Variants in PGCKA1 observed in about 807,000 individuals in gnomAD.
PGCKA1 encodes the protein PDCD10 and GCKIII kinases associated 1.
chr4:37,469,355 T>C, the PGCKA1 span, among the ~76,000 whole-genome samples: 9 of 152,248 alleles, frequency 5.9e-5, no homozygotes, highest in Admixed American at 5.9e-4. Context: ...TAAGCTTACA[T>C]TGTTCTTTTC....
At chr4:37,567,392 A>G in the PGCKA1 span, among the ~76,000 whole-genome samples, 4 of 152,248 alleles carry the variant, frequency 2.6e-5, no homozygotes, top group Non-Finnish European at 5.9e-5. Flanking sequence ...AGCAAGCGCT[A>G]TGCATACTTA....
the PGCKA1 span, among the ~76,000 whole-genome samples, chr4:37,576,554 A>G: frequency 2.0e-5 from 3 of 152,116 alleles, no homozygotes; most frequent in East Asian, 1.9e-4. Flanking sequence ...TTCCTTTCCA[A>G]TTTGCATGCC....
chr4:37,591,002 G>A, the PGCKA1 span: 1 of 1,601,228 alleles, frequency 6.2e-7, no homozygotes, highest in Non-Finnish European at 8.5e-7. Flanking sequence ...ACTGATTAGG[G>A]GAGGGGATTT....
the PGCKA1 span, among the ~76,000 whole-genome samples, chr4:37,568,696 C>T: frequency 6.6e-6 from 1 of 152,336 alleles, no homozygotes; most frequent in African/African-American, 2.4e-5. Flanking sequence ...CGTGGTGCCC[C>T]ACGTGCAGCA....
the PGCKA1 span, among the ~76,000 whole-genome samples, chr4:37,480,371 T>C: frequency 6.6e-6 from 1 of 152,188 alleles, no homozygotes; most frequent in Non-Finnish European, 1.5e-5. Context: ...CACGTGCCTG[T>C]GATCCCAGTT....
At chr4:37,475,137 A>G in the PGCKA1 span, among the ~76,000 whole-genome samples, 1 of 152,164 alleles carries the variant, frequency 6.6e-6, no homozygotes, top group African/African-American at 2.4e-5. Context: ...TGTTAGACCA[A>G]GAAGGATGCA....
At chr4:37,469,417 T>C in the PGCKA1 span, among the ~76,000 whole-genome samples, 1 of 152,112 alleles carries the variant, frequency 6.6e-6, no homozygotes, top group South Asian at 2.1e-4. Flanking sequence ...CAACTTCACA[T>C]AGAGACTGTG....
At chr4:37,523,621 C>T in the PGCKA1 span, among the ~76,000 whole-genome samples, 1 of 152,160 alleles carries the variant, frequency 6.6e-6, no homozygotes, top group African/African-American at 2.4e-5. Context: ...TATACGCTGT[C>T]TGTTTTTTCC....
chr4:37,475,417 G>A, the PGCKA1 span, among the ~76,000 whole-genome samples: 1 of 152,080 alleles, frequency 6.6e-6, no homozygotes, highest in Non-Finnish European at 1.5e-5. Flanking sequence ...AATACAGGCT[G>A]CCAGGTACAA....
chr4:37,483,311 G>A, the PGCKA1 span, among the ~76,000 whole-genome samples: 13 of 152,098 alleles, frequency 8.5e-5, no homozygotes, highest in African/African-American at 1.4e-4. Context: ...ACCCAGTCTC[G>A]GATATGTCTT....
the PGCKA1 span, among the ~76,000 whole-genome samples, chr4:37,466,712 G>A: frequency 1.3e-5 from 2 of 152,164 alleles, no homozygotes; most frequent in African/African-American, 4.8e-5. Flanking sequence ...GGAAGTGAGG[G>A]AAGAGGTGTC....
the PGCKA1 span, chr4:37,588,746 C>A: frequency 1.2e-6 from 1 of 839,796 alleles, no homozygotes; most frequent in East Asian, 2.5e-5. Context: ...GTGTGACTCT[C>A]TTAATACATT....
the PGCKA1 span, among the ~76,000 whole-genome samples, chr4:37,522,951 G>A: frequency 1.3e-5 from 2 of 152,088 alleles, no homozygotes; most frequent in African/African-American, 4.8e-5. Context: ...CTGTAGTTAG[G>A]GGAAGGGTGA....
the PGCKA1 span, among the ~76,000 whole-genome samples, chr4:37,545,177 T>C: frequency 6.6e-6 from 1 of 152,186 alleles, no homozygotes; most frequent in Non-Finnish European, 1.5e-5. Flanking sequence ...TTTTAATCTC[T>C]ATCTTTATGG....
chr4:37,533,057 T>TCACTTTGGGGACTTGGGGGGAA, the PGCKA1 span, among the ~76,000 whole-genome samples: 12 of 151,786 alleles, frequency 7.9e-5, no homozygotes, highest in South Asian at 2.1e-4. Flanking sequence ...TCACAAATCA[T>TCACTTTGGGGACTTGGGGGGAA]CTGGTATGTA....
At chr4:37,511,598 T>C in the PGCKA1 span, among the ~76,000 whole-genome samples, 3 of 152,134 alleles carry the variant, frequency 2.0e-5, no homozygotes, top group Non-Finnish European at 4.4e-5. Flanking sequence ...GTCCTTACTC[T>C]TCCCTCTCTT....
the PGCKA1 span, among the ~76,000 whole-genome samples, chr4:37,472,951 T>A: frequency 6.6e-6 from 1 of 152,296 alleles, no homozygotes; most frequent in Admixed American, 6.5e-5. Flanking sequence ...TATTCATTGA[T>A]TCAGGTCAAC....
At chr4:37,579,717 C>T in the PGCKA1 span, among the ~76,000 whole-genome samples, 2 of 152,242 alleles carry the variant, frequency 1.3e-5, no homozygotes, top group African/African-American at 4.8e-5. Context: ...TTATCCTTGA[C>T]CTTTGGGAGT....
the PGCKA1 span, among the ~76,000 whole-genome samples, chr4:37,486,881 G>A: frequency 6.6e-6 from 1 of 152,018 alleles, no homozygotes; most frequent in African/African-American, 2.4e-5. Context: ...TCTTCATCTT[G>A]GACACCTGTT....
Sources: gnomAD v4.1 joint callset for allele counts (sites outside exome capture counted in the v4.1 genomes callset) on GRCh38, gnomAD v4.1.1 for gene constraint, MANE v1.5 for transcripts, NCBI Gene and HGNC (gene_info 2026-07-23, HGNC 2026-07-21) for gene names.